Variants in ITGA11 observed in about 807,000 individuals in gnomAD.
The protein encoded by ITGA11 is integrin subunit alpha 11.
Under a neutral mutation model 141.9 loss-of-function variants are expected in ITGA11, and 97 were observed. The observed-to-expected ratio is 0.68, with a 90% CI of 0.58 to 0.81. The LOEUF (loss-of-function observed/expected upper bound fraction) is 0.81. Among genes scored for constraint, ITGA11 ranks in the 30% least tolerant of loss-of-function variants. The pLI is 0.00. For synonymous variants in ITGA11, 658 were observed against 624.6 expected (o/e 1.05, Z -0.80); for missense variants, 1,387 against 1,559.2 (o/e 0.89, Z 1.86).
In ITGA11 at chr15:68,321,463, A is replaced by C; in HGVS notation, c.2363T>G (p.Val788Gly). 6.3e-7 allele frequency: 1 copy of C among 1,594,646 alleles called. No homozygotes were observed. The highest frequency in any genetic ancestry group is 1.7e-4 in the Middle Eastern group (1 of 6,018). The part of the protein sequence containing the change: ...WNGCNEDEHC[V>G]PDLVLDARSD... The stretch of plus-strand genomic sequence containing the variant: ...CCGGGCATCCAACACAAGGTCAGGG[A>C]CACAGTGCTCATCCTCATTGCAGCC... Residue 788 changes from valine to glycine, a missense_variant, in exon 19 of 30, where the codon GTC becomes GGC. Val to Gly is a moderately radical substitution (Grantham distance 109, BLOSUM62 -3). Transcript: ENST00000315757. This position sits in a 1 kb window ranked among gnomAD's most constrained non-coding sequence, Gnocchi z 4.9.
At chr15:68,365,849 A>G (rs1483877275) in intron 3 of ITGA11, among the ~76,000 whole-genome samples, 1 of 151,968 alleles carries the variant, frequency 6.6e-6, no homozygotes, top group Non-Finnish European at 1.5e-5. Context: ...AATGGGAGGA[A>G]TAATTTCTAA....
chr15:68,313,618 T>C (rs1382442540), intron 23 of ITGA11, among the ~76,000 whole-genome samples, 161 bp downstream of exon 23: 4 of 152,098 alleles, frequency 2.6e-5, no homozygotes, highest in Non-Finnish European at 5.9e-5. Context: ...ATGGGGGTGC[T>C]GCACTCTCTG....
At chr15:68,349,177 T>C (rs1369441442) in intron 9 of ITGA11, among the ~76,000 whole-genome samples, 1 of 152,244 alleles carries the variant, frequency 6.6e-6, no homozygotes, top group African/African-American at 2.4e-5. Context: ...GGACAACTTA[T>C]ATTACAGGGC....
At position 68,300,463 on chromosome 15, in the gene ITGA11, G is replaced by A. The variant is rs1324541614; in HGVS notation, c.*2596C>T. On this transcript the variant is annotated 3_prime_UTR_variant, in exon 30 of 30. Transcript: ENST00000315757. ...GGCCCTTGCAGTGGTCACTTTTAAA[G>A]CTCCCGTGGTTCAAAGGTGCAGCCA... 6.6e-6 allele frequency: 1 copy of A among 152,268 alleles called. No homozygotes were observed. Among genetic ancestry groups the A allele is most frequent in the Non-Finnish European group, 1.5e-5 (1 of 68,064 alleles). 9.4% of individuals were successfully genotyped at this position (152,268 alleles called of 1,614,324 possible).
rs373273567 is a variant in ITGA11, at chr15:68,326,775, A to G, written c.2090T>C (p.Met697Thr). Residue 697 changes from methionine to threonine, a missense_variant, in exon 17 of 30, where the codon ATG (methionine) becomes ACG (threonine). Coordinates refer to ENST00000315757, the MANE Select transcript of ITGA11 (RefSeq NM_001004439.2). This position sits in a 1 kb window ranked among gnomAD's most constrained non-coding sequence, Gnocchi z 6.8. ...CCTCGGTGTATACCGCCTCTCATCC[A>G]TGGTGGCGTTGTATCTGATGCCTGC... ...TTVGIRYNATMDERRYTPRAH... is the reference protein window; with the variant it reads ...TTVGIRYNATTDERRYTPRAH... 1.0e-5 allele frequency: 16 copies of G among 1,581,386 alleles called. No individual in the cohort carries two copies. The highest frequency in any genetic ancestry group is 5.4e-5 in the African/African-American group (4 of 74,130).
intron 10 of ITGA11, among the ~76,000 whole-genome samples, chr15:68,348,517 G>A (rs2306021): frequency 0.059 from 8,997 of 152,304 alleles, 422 homozygotes; most frequent in African/African-American, 0.13. Flanking sequence ...TAGTCCATTC[G>A]CTTCTAAAGA....
intron 28 of ITGA11, among the ~76,000 whole-genome samples, chr15:68,306,993 T>G (rs1595848721): frequency 1.3e-5 from 2 of 152,378 alleles, no homozygotes; most frequent in African/African-American, 4.8e-5. Flanking sequence ...CACTTCTCGT[T>G]GGGTCTCACA....
intron 1 of ITGA11, among the ~76,000 whole-genome samples, chr15:68,418,314 T>C (rs1896935626): frequency 2.6e-5 from 4 of 152,084 alleles, no homozygotes; most frequent in Non-Finnish European, 5.9e-5. Context: ...AACCTTCCAA[T>C]AAGGGGTTAA....
At position 68,307,269 on chromosome 15, in the gene ITGA11, ACT is replaced by A; in HGVS notation, c.3381+77_3381+78del. 9.8e-7 allele frequency: 1 copy of A among 1,021,124 alleles called. No individual in the cohort carries two copies. The highest frequency in any genetic ancestry group is 1.4e-5 in the South Asian group (1 of 70,662). 63.3% of individuals were successfully genotyped at this position (1,021,124 alleles called of 1,614,324 possible). Reference sequence around the variant, plus strand: ...ACATGCAGCCAGGGGTTGTAGGAAAACTCTATAGAGGAGCACGGCCAACCCTT... The same window carrying A: ...ACATGCAGCCAGGGGTTGTAGGAAAACTATAGAGGAGCACGGCCAACCCTT... On this transcript the variant is annotated intron_variant, in intron 28 of 29. Transcript: ENST00000315757. The surrounding 1 kb of genome is among the most constrained non-coding windows in gnomAD (Gnocchi z 6.1).
intron 26 of ITGA11, among the ~76,000 whole-genome samples, chr15:68,309,102 C>T (rs892014162): frequency 9.9e-5 from 15 of 152,264 alleles, no homozygotes; most frequent in East Asian, 3.9e-4. Flanking sequence ...ATAATTATAA[C>T]GGATAAAAGA....
intron 1 of ITGA11, among the ~76,000 whole-genome samples, chr15:68,420,991 T>G (rs1897004679): frequency 6.6e-6 from 1 of 150,824 alleles, no homozygotes; most frequent in Non-Finnish European, 1.5e-5. Flanking sequence ...AGAAGCATGT[T>G]GGAGTAAACT....
intron 18 of ITGA11, among the ~76,000 whole-genome samples, chr15:68,323,170 C>T (rs1249509069): frequency 1.3e-5 from 2 of 152,210 alleles, no homozygotes; most frequent in Non-Finnish European, 1.5e-5. Context: ...AGCTCCCCAC[C>T]GCAAGGTGGA....
rs1384964854 is a variant in ITGA11 at position 68,335,826 on chromosome 15, G to A, written c.1296C>T (p.Val432=). Reference sequence around the variant, plus strand: ...ACACCCGCCCCTGCCTGGAGGACACGACCGATGTGACTGTGTACCCTGCCA... The same window carrying A: ...ACACCCGCCCCTGCCTGGAGGACACAACCGATGTGACTGTGTACCCTGCCA... The part of the protein sequence containing the change: ...GAYLGYTVTS[V]VSSRQGRVYV... The change falls in exon 12 of 30, where the codon GTC becomes GTT. Residue 432 remains valine (V), a synonymous_variant. Transcript: ENST00000315757. This position sits in a 1 kb window ranked among gnomAD's most constrained non-coding sequence, Gnocchi z 4.9. The A allele has an allele frequency of 5.0e-6, 8 of 1,613,070 alleles. No individual in the cohort carries two copies. The South Asian group carries it at 5.5e-5, about 11-fold the overall frequency.
intron 2 of ITGA11, among the ~76,000 whole-genome samples, chr15:68,369,805 G>C (rs1895532638): frequency 6.6e-6 from 1 of 151,108 alleles, no homozygotes. Flanking sequence ...CCAGTGGGCG[G>C]AAGCTGCCAT....
intron 11 of ITGA11, chr15:68,336,069 C>T: frequency 1.7e-6 from 1 of 590,506 alleles, no homozygotes; most frequent in Non-Finnish European, 3.0e-6. Flanking sequence ...GGAGAACTCA[C>T]TGCACCCCAG....
intron 2 of ITGA11, among the ~76,000 whole-genome samples, chr15:68,383,579 C>G (rs1595886032): frequency 6.6e-6 from 1 of 152,178 alleles, no homozygotes; most frequent in African/African-American, 2.4e-5. Flanking sequence ...CAGGAAGCCT[C>G]AATGGTTGAC....
rs1893055590 is a variant in ITGA11 at position 68,302,180 on chromosome 15, G to C, written c.*879C>G. ...TACCCCTGCTGCCCAGCTGCAGCCA[G>C]GCCGGTGCGTCCATGTCTAGGGGCA... On this transcript the variant is annotated 3_prime_UTR_variant, in exon 30 of 30. Coordinates refer to ENST00000315757, the MANE Select transcript of ITGA11 (RefSeq NM_001004439.2). 6.6e-6 allele frequency: 1 copy of C among 152,076 alleles called. No homozygotes were observed. 9.4% of individuals were successfully genotyped at this position (152,076 alleles called of 1,614,324 possible).
intron 2 of ITGA11, among the ~76,000 whole-genome samples, chr15:68,383,495 T>C (rs185504812): frequency 1.4e-3 from 219 of 152,336 alleles, no homozygotes; most frequent in Non-Finnish European, 2.6e-3. Context: ...CTTGTGGTTT[T>C]CAATAAGAAA....
intron 1 of ITGA11, among the ~76,000 whole-genome samples, chr15:68,410,566 A>C (rs1896750706): frequency 6.6e-6 from 1 of 152,204 alleles, no homozygotes; most frequent in Non-Finnish European, 1.5e-5. Context: ...TGAAGAAGTA[A>C]TGAGCTTCAG....
Sources: gnomAD v4.1 joint callset for allele counts (sites outside exome capture counted in the v4.1 genomes callset) on GRCh38, gnomAD v4.1.1 for gene constraint, Gnocchi (gnomAD v3.1) non-coding constraint, MANE v1.5 for transcripts, NCBI Gene and HGNC (gene_info 2026-07-23, HGNC 2026-07-21) for gene names.